PLEKHH2: variants seen among roughly 807,000 people sequenced by gnomAD.
The protein encoded by PLEKHH2 is pleckstrin homology, MyTH4 and FERM domain containing H2, also known as pleckstrin homology domain-containing family H member 2.
Under a neutral mutation model 187.9 loss-of-function variants are expected in PLEKHH2, and 129 were observed. The ratio of observed to expected loss-of-function variants is 0.69; its 90% CI spans 0.59 to 0.79. PLEKHH2 has a LOEUF of 0.79. Among genes scored for constraint, PLEKHH2 ranks in the 30% least tolerant of loss-of-function variants. The pLI is 0.00. For synonymous variants in PLEKHH2, 686 were observed against 605.6 expected (o/e 1.13, Z -1.95); for missense variants, 2,076 against 1,751.2 (o/e 1.19, Z -3.31).
intron 14 of PLEKHH2, 23 bp from the exon 15 acceptor site, chr2:43,712,202 A>G (rs778353099): frequency 3.7e-6 from 6 of 1,605,496 alleles, no homozygotes; most frequent in South Asian, 1.1e-5. Context: ...TTTCTTTCCT[A>G]TACCTTTCTC....
intron 19 of PLEKHH2, among the ~76,000 whole-genome samples, chr2:43,736,670 C>A (rs1314825319): frequency 6.6e-6 from 1 of 151,966 alleles, no homozygotes; most frequent in Non-Finnish European, 1.5e-5. Flanking sequence ...CCTGTCTCTA[C>A]TAAAAATAAA....
At chr2:43,740,197 T>C (rs1671495974) in intron 20 of PLEKHH2, among the ~76,000 whole-genome samples, 1 of 152,222 alleles carries the variant, frequency 6.6e-6, no homozygotes, top group Non-Finnish European at 1.5e-5. Context: ...AAATGAGATC[T>C]CTATCCTACT....
At chr2:43,750,444 G>A (rs553046633) in intron 24 of PLEKHH2, among the ~76,000 whole-genome samples, 2 of 151,300 alleles carry the variant, frequency 1.3e-5, no homozygotes, top group Non-Finnish European at 2.9e-5. Context: ...GCATGCCACT[G>A]CACTCCAGTC....
intron 2 of PLEKHH2, among the ~76,000 whole-genome samples, chr2:43,656,581 C>A (rs1007117750): frequency 1.3e-5 from 2 of 152,352 alleles, no homozygotes; most frequent in East Asian, 3.8e-4. Context: ...AACAGGCTAA[C>A]CTTGGGGTTT....
At chr2:43,730,127 T>A (rs1670967624) in intron 18 of PLEKHH2, among the ~76,000 whole-genome samples, 1 of 152,206 alleles carries the variant, frequency 6.6e-6, no homozygotes, top group Non-Finnish European at 1.5e-5. Flanking sequence ...TATGTCCTAA[T>A]GCGTTTTGTC....
chr2:43,758,948 C>T lies in PLEKHH2; in HGVS notation c.3990C>T (p.His1330=). 4 of 1,607,360 alleles carry T rather than the reference C, an allele frequency of 2.5e-6. No homozygotes were observed. The highest frequency in any genetic ancestry group is 3.4e-6 in the Non-Finnish European group (4 of 1,174,638). The part of the protein sequence containing the change: ...LSTRWMALRG[H]SAADCVRIYL... ...CCAGATGGATGGCCCTCCGGGGACA[C>T]AGTGCTGCTGACTGTGTGCGCATTT... Residue 1330 remains histidine, a synonymous_variant, in exon 27 of 30, where the codon CAC becomes CAT. Transcript: ENST00000282406.
rs1186614086 is a variant in PLEKHH2 at position 43,765,698 on chromosome 2, C to T, written c.*100C>T. The stretch of plus-strand genomic sequence containing the variant: ...ACCTGGCAGCACGGCAGCCACACAC[C>T]GGTATTCCAAACCTTAACAATGAAG... On this transcript the variant is annotated 3_prime_UTR_variant, in exon 30 of 30. Coordinates refer to ENST00000282406, the MANE Select transcript of PLEKHH2 (RefSeq NM_172069.4). The T allele has an allele frequency of 3.9e-5, 44 of 1,139,316 alleles. No individual in the cohort carries two copies. Among genetic ancestry groups the T allele is most frequent in the Middle Eastern group, 3.0e-4 (1 of 3,354 alleles). The allele number at this position is 1,139,316 out of a possible 1,614,324, so 70.6% of individuals were successfully genotyped here.
At chr2:43,724,002 T>G (rs116720051) in intron 16 of PLEKHH2, among the ~76,000 whole-genome samples, 3,386 of 152,344 alleles carry the variant, frequency 0.022, 44 homozygotes, top group Middle Eastern at 0.031. Flanking sequence ...ACAGGATTTA[T>G]TGACTGAAAA....
At chr2:43,686,366 T>C (rs1668507775) in intron 3 of PLEKHH2, among the ~76,000 whole-genome samples, 1 of 152,146 alleles carries the variant, frequency 6.6e-6, no homozygotes, top group South Asian at 2.1e-4. Context: ...CTGGCTAATT[T>C]TTGTATTTAT....
rs1671399260 is a variant in PLEKHH2 at position 43,738,375 on chromosome 2, C to T, written c.2978C>T (p.Ser993Phe). Residue 993 changes from serine (S) to phenylalanine (F), a missense_variant, in exon 20 of 30, where the codon TCT (serine) becomes TTT (phenylalanine). Coordinates refer to ENST00000282406, the MANE Select transcript of PLEKHH2 (RefSeq NM_172069.4). ...CTTTTTATAAATGCTGCAGTTGACTCTCCTGCAATTGATTACCACATATCT... is the reference window on the plus strand; with the variant it reads ...CTTTTTATAAATGCTGCAGTTGACTTTCCTGCAATTGATTACCACATATCT... ...CQLFINAAVDSPAIDYHISLA... is the reference protein window; with the variant it reads ...CQLFINAAVDFPAIDYHISLA... 1.2e-6 allele frequency: 2 copies of T among 1,612,742 alleles called. No individual in the cohort carries two copies. The highest frequency in any genetic ancestry group is 1.3e-5 in the African/African-American group (1 of 75,026).
At chr2:43,695,810 A>G (rs1009624958) in intron 6 of PLEKHH2, among the ~76,000 whole-genome samples, 1 of 152,196 alleles carries the variant, frequency 6.6e-6, no homozygotes, top group Non-Finnish European at 1.5e-5. Flanking sequence ...AGACCTTTTA[A>G]TGGAGATTAG....
At chr2:43,677,405 C>G (rs377217017) in intron 2 of PLEKHH2, among the ~76,000 whole-genome samples, 3 of 152,062 alleles carry the variant, frequency 2.0e-5, no homozygotes, top group Non-Finnish European at 2.9e-5. Context: ...TGACTCTTAA[C>G]GAGCATGCTG....
In PLEKHH2 at chr2:43,731,480, C is replaced by T; in HGVS notation, c.2831-10C>T. On this transcript the variant is annotated splice_polypyrimidine_tract_variant and intron_variant, in intron 18 of 29. Transcript: ENST00000282406. ...TTCAGTTTTCTGTTCATATTTTATT[C>T]TGCATTTAGCCTCTCAGATATGGAG... The T allele has an allele frequency of 6.6e-7, 1 of 1,510,354 alleles. No individual in the cohort carries two copies. The highest frequency in any genetic ancestry group is 9.2e-7 in the Non-Finnish European group (1 of 1,089,722). 93.6% of individuals were successfully genotyped at this position (1,510,354 alleles called of 1,614,324 possible). A position where few individuals can be genotyped will look rare whatever the true frequency, so the allele number is the denominator to read the frequency against.
chr2:43,700,044 T>A lies in PLEKHH2; in HGVS notation c.1086T>A (p.Ala362=). 6.2e-7 allele frequency: 1 copy of A among 1,614,058 alleles called. No homozygotes were observed. Among genetic ancestry groups the A allele is most frequent in the Non-Finnish European group, 8.5e-7 (1 of 1,180,002 alleles). ...YSWQQEAQWK[A]LNSPLGKGNS... ...GGCAGCAGGAGGCACAGTGGAAAGC[T>A]CTAAATAGTCCTCTTGGAAAGGGAA... is the stretch of plus-strand genomic sequence containing the variant. Residue 362 remains alanine (A), a synonymous_variant, in exon 8 of 30, where the codon GCT becomes GCA. Transcript: ENST00000282406.
rs369897862 is a variant in PLEKHH2 at position 43,732,294 on chromosome 2, T to C, written c.2943+692T>C. Among the ~76,000 whole-genome samples, 315 of 151,902 alleles carry C rather than the reference T, an allele frequency of 2.1e-3. 1 individual carries two copies. Among genetic ancestry groups the C allele is most frequent in the South Asian group, 4.8e-3 (23 of 4,794 alleles). On this transcript the variant is annotated intron_variant, in intron 19 of 29. Coordinates refer to ENST00000282406, the MANE Select transcript of PLEKHH2 (RefSeq NM_172069.4). ...AGGAGAATTGCTTGAACCCAGGAGA[T>C]GGAGGTTGCAGTGAGCTGAGATCAC...
chr2:43,638,105 G>C (rs1703199695), intron 1 of PLEKHH2, among the ~76,000 whole-genome samples: 1 of 152,240 alleles, frequency 6.6e-6, no homozygotes, highest in African/African-American at 2.4e-5. Context: ...GTGTGTCCCA[G>C]AGGAGTATGT....
intron 2 of PLEKHH2, among the ~76,000 whole-genome samples, chr2:43,668,470 A>C (rs1667331414): frequency 6.6e-6 from 1 of 152,220 alleles, no homozygotes; most frequent in Non-Finnish European, 1.5e-5. Flanking sequence ...ATTCATAATC[A>C]TAAAGAGCTC....
intron 2 of PLEKHH2, among the ~76,000 whole-genome samples, chr2:43,666,351 C>T (rs983993319): frequency 4.0e-5 from 6 of 151,268 alleles, no homozygotes; most frequent in Admixed American, 3.9e-4. Context: ...GTGCGCACAC[C>T]CACTGGCCTG....
intron 25 of PLEKHH2, among the ~76,000 whole-genome samples, chr2:43,754,663 A>G (rs1672142413): frequency 6.6e-6 from 1 of 152,148 alleles, no homozygotes; most frequent in Admixed American, 6.5e-5. Flanking sequence ...GCCTAGGTTA[A>G]TTAAGGAAAA....
Sources: allele counts gnomAD v4.1 joint callset (sites outside exome capture counted in the v4.1 genomes callset), GRCh38; gene constraint gnomAD v4.1.1; transcripts MANE v1.5; gene names NCBI Gene and HGNC (gene_info 2026-07-23, HGNC 2026-07-21).